The following ECE1 variants were observed in gnomAD, a reference collection of about 807,000 sequenced individuals.
ECE1 encodes endothelin converting enzyme 1, also known as endothelin-converting enzyme 1.
In ECE1, 35 loss-of-function variants were observed where a neutral mutation model predicts 98.6. That is an observed-to-expected ratio of 0.35 (90% CI 0.27 to 0.47). The LOEUF is 0.47. Among genes scored for constraint, ECE1 ranks in the 20% least tolerant of loss-of-function variants. The pLI, the probability that ECE1 is intolerant of heterozygous loss-of-function variation, is 1.00. For synonymous variants in ECE1, 394 were observed against 407.1 expected, an observed-to-expected ratio of 0.97 and a Z score of 0.39; for missense variants, 814 against 1,025.3, an observed-to-expected ratio of 0.79 and a Z score of 2.81.
intron 9 of ECE1, among the ~76,000 whole-genome samples, chr1:21,245,366 T>C (rs766978173): frequency 4.6e-5 from 7 of 152,174 alleles, no homozygotes; most frequent in African/African-American, 7.2e-5. Flanking sequence ...TAAATGCTTG[T>C]TGCCTAGCTG....
intron 1 of ECE1, among the ~76,000 whole-genome samples, chr1:21,335,965 C>A (rs542622187): frequency 9.8e-5 from 15 of 152,308 alleles, no homozygotes; most frequent in Admixed American, 9.1e-4. Flanking sequence ...CAGGCGAAGC[C>A]CAAAGCCCAG....
intron 1 of ECE1, chr1:21,298,864 G>A (rs138305492): frequency 0.026 from 11,751 of 456,262 alleles, 195 homozygotes; most frequent in South Asian, 0.032. Context: ...CTGGGTTTAA[G>A]GGGCTGAGTT....
rs553930100 is a variant in ECE1 at position 21,233,497 on chromosome 1, C to T, written c.1670+61G>A. 6.7e-5 allele frequency: 103 copies of T among 1,531,522 alleles called. 1 individual carries two copies. The East Asian group carries it at 1.9e-3, about 28-fold the overall frequency. The allele number at this position is 1,531,522 out of a possible 1,614,324, so 94.9% of individuals were successfully genotyped here. A position where few individuals can be genotyped will look rare whatever the true frequency, so the allele number is the denominator to read the frequency against. The stretch of plus-strand genomic sequence containing the variant: ...GAGGGTGCAATGAAGGCCAGTTCGT[C>T]CCAAGGCTTGCCCACAGGTGGGGAG... On this transcript the variant is annotated intron_variant, in intron 14 of 18. Coordinates refer to ENST00000374893, the MANE Select transcript of ECE1 (RefSeq NM_001397.3). The surrounding 1 kb of genome is among the most constrained non-coding windows in gnomAD (Gnocchi z 4.0).
chr1:21,337,263 G>A (rs1639320986), intron 1 of ECE1, among the ~76,000 whole-genome samples: 1 of 152,212 alleles, frequency 6.6e-6, no homozygotes, highest in Non-Finnish European at 1.5e-5. Context: ...AGGAGCAGAT[G>A]CTGGTACAGG....
At chr1:21,295,633 A>G (rs1237897443) in intron 1 of ECE1, among the ~76,000 whole-genome samples, 5 of 152,240 alleles carry the variant, frequency 3.3e-5, no homozygotes, top group African/African-American at 1.2e-4. Context: ...GCCAAATCAG[A>G]AACTCGCCTA....
In ECE1 at chr1:21,218,548, CAGAG is replaced by C. The variant is rs1429176325; in HGVS notation, c.*1403_*1406del. ...CAGCCATGTGGTGGATGACGGTGCT[CAGAG>C]AGAGGATTTGGGTCCTGCGGGAGGT... On this transcript the variant is annotated 3_prime_UTR_variant, in exon 19 of 19. Transcript: ENST00000374893. The surrounding 1 kb of genome is among the most constrained non-coding windows in gnomAD (Gnocchi z 4.0). 1 of 152,288 alleles carries C rather than the reference CAGAG, an allele frequency of 6.6e-6. No individual in the cohort carries two copies. The highest frequency in any genetic ancestry group is 1.5e-5 in the Non-Finnish European group (1 of 68,170). 9.4% of individuals were successfully genotyped at this position (152,288 alleles called of 1,614,324 possible).
intron 14 of ECE1, among the ~76,000 whole-genome samples, chr1:21,230,095 G>T (rs2098179808): frequency 6.6e-6 from 1 of 152,114 alleles, no homozygotes; most frequent in Non-Finnish European, 1.5e-5. Flanking sequence ...CAGCTACTCA[G>T]GTGGCTGAGG....
At position 21,233,179 on chromosome 1, in the gene ECE1, G is replaced by T; in HGVS notation, c.1670+379C>A. The T allele has an allele frequency of 4.7e-6, 1 of 213,230 alleles. No homozygotes were observed. Among genetic ancestry groups the T allele is most frequent in the Non-Finnish European group, 9.6e-6 (1 of 103,804 alleles). 13.2% of individuals were successfully genotyped at this position (213,230 alleles called of 1,614,324 possible). A position where few individuals can be genotyped will look rare whatever the true frequency, so the allele number is the denominator to read the frequency against. The stretch of plus-strand genomic sequence containing the variant: ...TCCTTGGGGTCTGGCGCTCCCCAGA[G>T]GTCCTCACATTTGACTGCCATGAGG... On this transcript the variant is annotated intron_variant, in intron 14 of 18. Transcript: ENST00000374893. This position sits in a 1 kb window ranked among gnomAD's most constrained non-coding sequence, Gnocchi z 4.0.
At chr1:21,302,164 A>G (rs1167316398) in intron 1 of ECE1, among the ~76,000 whole-genome samples, 1 of 152,190 alleles carries the variant, frequency 6.6e-6, no homozygotes, top group African/African-American at 2.4e-5. Context: ...CCTTAGCCCC[A>G]AAGGAACCAG....
upstream of ECE1, among the ~76,000 whole-genome samples, chr1:21,291,126 A>G (rs1223863728): frequency 2.0e-5 from 3 of 151,998 alleles, no homozygotes; most frequent in Non-Finnish European, 4.4e-5. Context: ...TCGGAGCCTC[A>G]GCCAGGTGCC....
chr1:21,309,999 C>A (rs779692281), intron 1 of ECE1, among the ~76,000 whole-genome samples: 1 of 144,022 alleles, frequency 6.9e-6, no homozygotes, highest in Non-Finnish European at 1.6e-5. Flanking sequence ...ACCGTGTTAG[C>A]CAGGATGGTC....
intron 1 of ECE1, among the ~76,000 whole-genome samples, chr1:21,320,741 C>T (rs374783800): frequency 6.7e-4 from 102 of 152,366 alleles, no homozygotes; most frequent in African/African-American, 2.4e-3. Context: ...GGGCCGCAGC[C>T]TCATCTCTGT....
intron 10 of ECE1, 33 bp from the exon 11 acceptor site, chr1:21,238,277 C>T: frequency 6.4e-7 from 1 of 1,567,274 alleles, no homozygotes; most frequent in South Asian, 1.1e-5. Context: ...CTCGCTGGGC[C>T]CCAGCCCTTT....
chr1:21,334,465 C>A (rs140937949), intron 1 of ECE1, among the ~76,000 whole-genome samples: 150 of 152,382 alleles, frequency 9.8e-4, no homozygotes, highest in African/African-American at 3.4e-3. Flanking sequence ...TCCAGCGTGG[C>A]CGTGTGAACA....
intron 10 of ECE1, among the ~76,000 whole-genome samples, chr1:21,244,368 G>A (rs368314344): frequency 7.9e-5 from 12 of 152,166 alleles, no homozygotes; most frequent in African/African-American, 1.4e-4. Flanking sequence ...CCTGGCACGC[G>A]ATGGCAGGAG....
At chr1:21,230,468 A>G (rs1232589750) in intron 14 of ECE1, among the ~76,000 whole-genome samples, 1 of 152,038 alleles carries the variant, frequency 6.6e-6, no homozygotes, top group East Asian at 1.9e-4. Flanking sequence ...GCTCACTGCA[A>G]CCTCTGCCTC....
rs2098172078 is a variant in ECE1, at chr1:21,225,052, G to A, written c.2040+198C>T. On this transcript the variant is annotated intron_variant, in intron 17 of 18. Transcript: ENST00000374893. This position sits in a 1 kb window ranked among gnomAD's most constrained non-coding sequence, Gnocchi z 5.3. ...CAGACTCAGAGCACAAAGCCTTCTG[G>A]TGCCAAGCCCTGTGGTGGGGGAGCC... Among the ~76,000 whole-genome samples, 1 of 152,200 alleles carries A rather than the reference G, an allele frequency of 6.6e-6. No homozygotes were observed. The highest frequency in any genetic ancestry group is 1.9e-4 in the East Asian group (1 of 5,188).
chr1:21,260,216 G>T lies in ECE1; in HGVS notation c.615+55C>A, dbSNP rs1256082334. On this transcript the variant is annotated intron_variant, in intron 5 of 18. Transcript: ENST00000374893. The surrounding 1 kb of genome is among the most constrained non-coding windows in gnomAD (Gnocchi z 4.3). ...CCAGAAGGCTGGAGTGGAAGCCAGG[G>T]GGCGGGCAGGTGGCATGGGCCGGGG... 1.9e-6 allele frequency: 3 copies of T among 1,613,592 alleles called. No homozygotes were observed. The highest frequency in any genetic ancestry group is 1.6e-4 in the Middle Eastern group (1 of 6,062).
At position 21,264,320 on chromosome 1, in the gene ECE1, C is replaced by CCT. The variant is rs1491483518; in HGVS notation, c.494-3929_494-3928insAG. On this transcript the variant is annotated intron_variant, in intron 4 of 18. Coordinates refer to ENST00000374893, the MANE Select transcript of ECE1 (RefSeq NM_001397.3). ...TGGAATATACCAATTCCCCCCCCCC[C>CCT]TTTTTTTTTTTTGACACTGAGTCTC... 4.1e-3 allele frequency among the ~76,000 whole-genome samples: 83 copies of CCT among 20,250 alleles called. 1 individual carries two copies. The highest frequency in any genetic ancestry group is 7.2e-3 in the South Asian group (3 of 414). The allele number at this position is 20,250 out of a possible 152,430, so 13.3% of individuals were successfully genotyped here. A position where few individuals can be genotyped will look rare whatever the true frequency, so the allele number is the denominator to read the frequency against.
Sources: allele counts gnomAD v4.1 joint callset (sites outside exome capture counted in the v4.1 genomes callset), GRCh38; gene constraint gnomAD v4.1.1; non-coding constraint Gnocchi (gnomAD v3.1); transcripts MANE v1.5; gene names NCBI Gene and HGNC (gene_info 2026-07-23, HGNC 2026-07-21).